CREBBP: variants seen among roughly 807,000 people sequenced by gnomAD.
The protein encoded by CREBBP is CREB-binding protein.
CREBBP carries 19 observed loss-of-function variants against 265.0 expected under a neutral mutation model. That is an observed-to-expected ratio of 0.07 (90% confidence interval 0.05 to 0.11). The LOEUF (loss-of-function observed/expected upper bound fraction) is 0.11. CREBBP is among the 10% of genes least tolerant of loss of function. The probability of loss-of-function intolerance (pLI) is 1.00; values close to 1 mark genes in which losing one functional copy is unlikely to be tolerated. For missense variants in CREBBP, 2,525 were observed against 3,219.0 expected (o/e 0.78, Z 5.22); for synonymous variants, 1,457 against 1,223.7 (o/e 1.19, Z -3.98).
At chr16:3,750,233 T>G (rs965498184) in intron 20 of CREBBP, among the ~76,000 whole-genome samples, 1 of 152,212 alleles carries the variant, frequency 6.6e-6, no homozygotes, top group East Asian at 1.9e-4. Flanking sequence ...CAATTATTAA[T>G]CACACAACTA....
intron 3 of CREBBP, 34 bp from the exon 4 acceptor site, chr16:3,793,660 C>A: frequency 6.2e-7 from 1 of 1,605,506 alleles, no homozygotes; most frequent in Non-Finnish European, 8.5e-7. Context: ...AATACTTTAA[C>A]CTCTCAGAGT....
intron 16 of CREBBP, 51 bp downstream of exon 16, chr16:3,767,669 A>T: frequency 6.2e-7 from 1 of 1,612,302 alleles, no homozygotes; most frequent in Non-Finnish European, 8.5e-7. Context: ...TGGAATCCTA[A>T]CACCGTGGAA....
intron 16 of CREBBP, 146 bp from the exon 17 acceptor site, chr16:3,759,118 A>C: frequency 1.4e-6 from 1 of 716,558 alleles, no homozygotes. Context: ...ATCACCGTTA[A>C]GGACTAAAGC....
At chr16:3,817,220 G>C (rs2054055493) in intron 2 of CREBBP, among the ~76,000 whole-genome samples, 2 of 152,154 alleles carry the variant, frequency 1.3e-5, no homozygotes, top group Admixed American at 6.5e-5. Context: ...GGAAAACCCT[G>C]ACTTTGGTAC....
chr16:3,812,266 T>A lies in CREBBP; in HGVS notation c.799-1487A>T, dbSNP rs540615698. On this transcript the variant is annotated intron_variant, in intron 2 of 30. Coordinates refer to ENST00000262367, the MANE Select transcript of CREBBP (RefSeq NM_004380.3). ...TGATCTCGGCTCACTGAAACCTCCC[T>A]CTCCCAGGTTCAAGCAATTCTCCTG... Among the ~76,000 whole-genome samples, 4 of 151,898 alleles carry A rather than the reference T, an allele frequency of 2.6e-5. No homozygotes were observed. In the South Asian group the frequency reaches 8.3e-4, roughly 32 times the overall value.
rs773159964 is a variant in CREBBP at position 3,745,298 on chromosome 16, T to C, written c.3893A>G (p.Tyr1298Cys). 5 of 1,613,906 alleles carry C rather than the reference T, an allele frequency of 3.1e-6. No individual in the cohort carries two copies. Among genetic ancestry groups the C allele is most frequent in the Admixed American group, 1.7e-5 (1 of 59,964 alleles). ...RKMHQICVLH[Y>C]DIIWPSGFVC... is the part of the protein sequence containing the mutation. ...TCACCCTGAAGGCCAAATGATGTCA[T>C]AGTGCAGAACGCAAATCTGATGCAT... is the stretch of plus-strand genomic sequence containing the variant. The change falls in exon 22 of 31, where the codon TAT becomes TGT. Residue 1298 changes from tyrosine (Y) to cysteine (C), a missense_variant. This residue lies in a region of CREBBP where 252 missense variants were observed against 452.5 expected (regional missense o/e 0.56). Coordinates refer to ENST00000262367, the MANE Select transcript of CREBBP (RefSeq NM_004380.3).
At position 3,835,631 on chromosome 16, in the gene CREBBP, G is replaced by A. The variant is rs554571843; in HGVS notation, c.798+14666C>T. 3.4e-5 allele frequency among the ~76,000 whole-genome samples: 5 copies of A among 146,548 alleles called. No homozygotes were observed. In the East Asian group the frequency reaches 8.0e-4, roughly 23 times the overall value. On this transcript the variant is annotated intron_variant, in intron 2 of 30. Coordinates refer to ENST00000262367, the MANE Select transcript of CREBBP (RefSeq NM_004380.3). Reference sequence around the variant, plus strand: ...GTCTTGCTCTGTCGCCTAGGCTGGAGTGCAGTAGTGGGATCTCGGGTCACT... The same window carrying A: ...GTCTTGCTCTGTCGCCTAGGCTGGAATGCAGTAGTGGGATCTCGGGTCACT...
At chr16:3,767,498 C>T in intron 16 of CREBBP, 1 of 626,056 alleles carries the variant, frequency 1.6e-6, no homozygotes, top group Non-Finnish European at 2.8e-6. Flanking sequence ...GCCCTCGGAG[C>T]AGCAGCTCAT....
chr16:3,762,361 CTTTTTTTT>C (rs35125490), intron 16 of CREBBP, among the ~76,000 whole-genome samples: 3 of 118,690 alleles, frequency 2.5e-5, no homozygotes, highest in Admixed American at 1.8e-4. Context: ...ATTTTCTTTC[CTTTTTTTT>C]TTTTTTTTTT....
Position 3,757,308 on chromosome 16 carries a change from G to A in CREBBP, c.3678C>T (p.Ala1226=), listed in dbSNP as rs1473652940. The A allele has an allele frequency of 6.2e-7, 1 of 1,613,208 alleles. No homozygotes were observed. The highest frequency in any genetic ancestry group is 1.1e-5 in the South Asian group (1 of 90,774). ...KQLCTIPRDA[A]YYSYQNRYHF... is the part of the protein sequence containing the mutation. Reference sequence around the variant, plus strand: ...CTTACCTATTCTGATAGCTGTAGTAGGCAGCATCGCGAGGAATGGTACACA... The same window carrying A: ...CTTACCTATTCTGATAGCTGTAGTAAGCAGCATCGCGAGGAATGGTACACA... Residue 1226 remains alanine, a synonymous_variant, in exon 19 of 31, where the codon GCC becomes GCT. Coordinates refer to ENST00000262367, the MANE Select transcript of CREBBP (RefSeq NM_004380.3).
intron 6 of CREBBP, among the ~76,000 whole-genome samples, chr16:3,781,578 G>C (rs910718050): frequency 1.3e-5 from 2 of 152,120 alleles, no homozygotes; most frequent in African/African-American, 4.8e-5. Context: ...TGCTATCTAA[G>C]TGAAAAAGTT....
chr16:3,725,345 G>C lies in CREBBP; in HGVS notation c.*2373C>G, dbSNP rs2051715098. The C allele has an allele frequency of 4.3e-6, 1 of 233,218 alleles. No individual in the cohort carries two copies. Among genetic ancestry groups the C allele is most frequent in the African/African-American group, 2.2e-5 (1 of 45,450 alleles). 14.4% of individuals were successfully genotyped at this position (233,218 alleles called of 1,614,324 possible). A position where few individuals can be genotyped will look rare whatever the true frequency, so the allele number is the denominator to read the frequency against. ...TTGGTACATAACGTTTTGAATTCCA[G>C]GATAACCTGAAACAGAGGCCCCTCC... On this transcript the variant is annotated 3_prime_UTR_variant, in exon 31 of 31. Transcript: ENST00000262367.
chr16:3,859,095 A>G (rs1395316048), intron 1 of CREBBP, among the ~76,000 whole-genome samples: 1 of 151,728 alleles, frequency 6.6e-6, no homozygotes, highest in Admixed American at 6.6e-5. Context: ...TGTCTTTTGC[A>G]TTACTTTTGT....
In CREBBP at chr16:3,757,812, G is replaced by A. The variant is rs749266615; in HGVS notation, c.3606C>T (p.Arg1202=). 1.5e-5 allele frequency: 24 copies of A among 1,614,052 alleles called. No individual in the cohort carries two copies. Among genetic ancestry groups the A allele is most frequent in the Non-Finnish European group, 2.0e-5 (24 of 1,180,038 alleles). The change falls in exon 18 of 31, where the codon CGC becomes CGT. Residue 1202 remains arginine (R), a synonymous_variant. Coordinates refer to ENST00000262367, the MANE Select transcript of CREBBP (RefSeq NM_004380.3). ...VMQSLGYCCG[R]KYEFSPQTLC... ...CCGGAAAAACTTAAAACTGTACCTTGCGTCCACAGCAATATCCAAGGGACT... is the reference window on the plus strand; with the variant it reads ...CCGGAAAAACTTAAAACTGTACCTTACGTCCACAGCAATATCCAAGGGACT...
intron 1 of CREBBP, among the ~76,000 whole-genome samples, chr16:3,870,974 A>G (rs2055281413): frequency 6.6e-6 from 1 of 151,468 alleles, no homozygotes. Context: ...TGGGCAAGCA[A>G]GACCCCATTG....
chr16:3,851,112 C>T, intron 1 of CREBBP, 103 bp from the exon 2 acceptor site: 1 of 937,570 alleles, frequency 1.1e-6, no homozygotes, highest in Non-Finnish European at 1.7e-6. Flanking sequence ...TCAGCACGAA[C>T]ACTAGCATGT....
intron 2 of CREBBP, among the ~76,000 whole-genome samples, chr16:3,848,144 A>G (rs2054707842): frequency 6.6e-6 from 1 of 151,868 alleles, no homozygotes; most frequent in Non-Finnish European, 1.5e-5. Flanking sequence ...CACTCCAGAC[A>G]CTGGGCAACA....
At chr16:3,795,610 G>T (rs1005924143) in intron 3 of CREBBP, among the ~76,000 whole-genome samples, 2 of 151,954 alleles carry the variant, frequency 1.3e-5, no homozygotes, top group African/African-American at 4.8e-5. Context: ...GGAATCCCTG[G>T]CCCCTCCTTT....
intron 3 of CREBBP, among the ~76,000 whole-genome samples, chr16:3,804,998 C>T (rs1392285662): frequency 6.6e-6 from 1 of 152,244 alleles, no homozygotes. Context: ...GGACTCGCTA[C>T]TTTCTCTCAA....
Sources: gnomAD v4.1 joint callset for allele counts (sites outside exome capture counted in the v4.1 genomes callset) on GRCh38, gnomAD v4.1.1 for gene constraint, gnomAD v4.1.1 regional missense constraint, MANE v1.5 for transcripts, NCBI Gene and HGNC (gene_info 2026-07-23, HGNC 2026-07-21) for gene names.